AUTS2: variants seen among roughly 807,000 people sequenced by gnomAD.
AUTS2 encodes autism susceptibility gene 2 protein.
AUTS2 carries 17 observed loss-of-function variants against 112.4 expected under a neutral mutation model. The observed-to-expected ratio is 0.15, with a 90% CI of 0.10 to 0.23. The LOEUF is 0.23. AUTS2 is among the 10% of genes least tolerant of loss of function. AUTS2 has a pLI of 1.00. For missense variants in AUTS2, 1,510 were observed against 1,701.6 expected (o/e 0.89, Z 1.98); for synonymous variants, 751 against 702.7 (o/e 1.07, Z -1.09).
chr7:70,579,799 T>G (rs761707306), intron 5 of AUTS2, among the ~76,000 whole-genome samples: 1 of 152,188 alleles, frequency 6.6e-6, no homozygotes, highest in Non-Finnish European at 1.5e-5. Flanking sequence ...GTCACTTTCT[T>G]GAGGAGAGGT....
At chr7:70,618,183 A>T (rs956404580) in intron 5 of AUTS2, among the ~76,000 whole-genome samples, 42 of 152,228 alleles carry the variant, frequency 2.8e-4, no homozygotes, top group African/African-American at 9.9e-4. Context: ...ACAAGGCATT[A>T]ACACGTCTGG....
At chr7:69,635,594 C>A (rs1035793364) in intron 1 of AUTS2, among the ~76,000 whole-genome samples, 1 of 152,198 alleles carries the variant, frequency 6.6e-6, no homozygotes, top group Non-Finnish European at 1.5e-5. Flanking sequence ...TCCTGTCTCT[C>A]AGACACTTGG....
intron 4 of AUTS2, among the ~76,000 whole-genome samples, chr7:70,174,797 G>GA: frequency 6.6e-6 from 1 of 152,064 alleles, no homozygotes; most frequent in Middle Eastern, 3.4e-3. Flanking sequence ...CTACTGCTTG[G>GA]AAAAAAAGAT....
intron 5 of AUTS2, among the ~76,000 whole-genome samples, chr7:70,482,843 A>G (rs942570125): frequency 6.6e-6 from 1 of 152,004 alleles, no homozygotes; most frequent in Admixed American, 6.6e-5. Flanking sequence ...AGGTAGGTAG[A>G]TAGAGAGCTG....
intron 4 of AUTS2, among the ~76,000 whole-genome samples, chr7:70,186,330 A>G (rs1255331777): frequency 2.0e-5 from 3 of 152,146 alleles, no homozygotes; most frequent in Non-Finnish European, 2.9e-5. Flanking sequence ...TTATGGGTAT[A>G]AAAAAGAAAC....
At chr7:70,562,817 G>C (rs1263401400) in intron 5 of AUTS2, among the ~76,000 whole-genome samples, 1 of 152,186 alleles carries the variant, frequency 6.6e-6, no homozygotes, top group Non-Finnish European at 1.5e-5. Context: ...TGTTTACCTG[G>C]GGAATGAATG....
At chr7:69,834,102 C>T (rs200626028) in intron 1 of AUTS2, among the ~76,000 whole-genome samples, 1 of 152,156 alleles carries the variant, frequency 6.6e-6, no homozygotes. Context: ...TTGCTTTAAC[C>T]TGCTGCTCTT....
At chr7:70,023,291 C>T (rs1322736481) in intron 2 of AUTS2, among the ~76,000 whole-genome samples, 3 of 152,304 alleles carry the variant, frequency 2.0e-5, no homozygotes, top group East Asian at 1.9e-4. Flanking sequence ...CTTTCTTTAG[C>T]GCTTTAAGAG....
chr7:69,787,922 G>T (rs879850496), intron 1 of AUTS2, among the ~76,000 whole-genome samples: 2 of 152,110 alleles, frequency 1.3e-5, no homozygotes, highest in Non-Finnish European at 2.9e-5. Context: ...CAGCCTCCTA[G>T]GAATGAAGTG....
chr7:70,279,046 T>A (rs1237370911), intron 4 of AUTS2, among the ~76,000 whole-genome samples: 1 of 152,240 alleles, frequency 6.6e-6, no homozygotes, highest in Non-Finnish European at 1.5e-5. Context: ...GTGAATTATA[T>A]TTATAATAAT....
At chr7:70,383,239 C>G in intron 4 of AUTS2, among the ~76,000 whole-genome samples, 1 of 151,998 alleles carries the variant, frequency 6.6e-6, no homozygotes, top group East Asian at 1.9e-4. Flanking sequence ...GTGCTTAGCA[C>G]AGTCTTGTAA....
intron 2 of AUTS2, among the ~76,000 whole-genome samples, chr7:70,016,300 A>G (rs2129554753): frequency 6.6e-6 from 1 of 152,244 alleles, no homozygotes; most frequent in East Asian, 1.9e-4. Flanking sequence ...TTCTATTATT[A>G]TATATAATTG....
chr7:70,461,617 T>G (rs1796966613), intron 5 of AUTS2, among the ~76,000 whole-genome samples: 1 of 152,258 alleles, frequency 6.6e-6, no homozygotes, highest in Non-Finnish European at 1.5e-5. Context: ...AAGCATTTAC[T>G]TATTATATGC....
intron 5 of AUTS2, among the ~76,000 whole-genome samples, chr7:70,524,285 G>A (rs1799754053): frequency 1.3e-5 from 2 of 152,178 alleles, no homozygotes; most frequent in African/African-American, 4.8e-5. Context: ...AAAGCCTGGG[G>A]GAAGTCCTGA....
rs144233379 is a variant in AUTS2, at chr7:70,516,035, T to G, written c.690+80254T>G. Among the ~76,000 whole-genome samples, 335 of 152,316 alleles carry G rather than the reference T, an allele frequency of 2.2e-3. 1 individual carries two copies. The highest frequency in any genetic ancestry group is 7.7e-3 in the African/African-American group (322 of 41,564). On this transcript the variant is annotated intron_variant, in intron 5 of 18. Transcript: ENST00000342771. ...CCCTGCTCTAAGGGTAGGTCTCACT[T>G]TACTGAATTCTCCTGATTCATTACT...
At chr7:69,956,207 A>G (rs1209910708) in intron 2 of AUTS2, among the ~76,000 whole-genome samples, 2 of 151,374 alleles carry the variant, frequency 1.3e-5, no homozygotes, top group Non-Finnish European at 2.9e-5. Flanking sequence ...TCCAGGGAGT[A>G]TGGGATGAGA....
chr7:70,751,536 A>G (rs6957531), intron 6 of AUTS2, among the ~76,000 whole-genome samples: 61,424 of 152,026 alleles, frequency 0.4, 14,438 homozygotes, highest in African/African-American at 0.65. Flanking sequence ...TTCCCGCCTA[A>G]GGAATGTGTG....
intron 7 of AUTS2, 139 bp downstream of exon 7, chr7:70,763,480 G>GGAAT: frequency 1.5e-6 from 1 of 667,480 alleles, no homozygotes; most frequent in Non-Finnish European, 2.5e-6. Context: ...CTAGAGACAG[G>GGAAT]GAATGGGGCT....
chr7:70,710,273 A>G (rs114262837), intron 6 of AUTS2, among the ~76,000 whole-genome samples: 2,693 of 152,208 alleles, frequency 0.018, 77 homozygotes, highest in African/African-American at 0.062. Context: ...AAAGTGCCCA[A>G]GAGCACCCCA....
Sources: gnomAD v4.1 joint callset for allele counts (sites outside exome capture counted in the v4.1 genomes callset) on GRCh38, gnomAD v4.1.1 for gene constraint, MANE v1.5 for transcripts, NCBI Gene and HGNC (gene_info 2026-07-23, HGNC 2026-07-21) for gene names.